RGS22: variants seen among roughly 807,000 people sequenced by gnomAD.
RGS22 encodes regulator of G protein signaling 22.
A neutral mutation model predicts 172.9 loss-of-function variants in RGS22; 148 were observed. That is an observed-to-expected ratio of 0.86 (90% CI 0.75 to 0.98). The LOEUF (loss-of-function observed/expected upper bound fraction) is 0.98. Ranked by LOEUF, RGS22 falls within the 50% of genes least tolerant of loss-of-function variation. The probability of loss-of-function intolerance (pLI) is 0.00; values close to 1 mark genes in which losing one functional copy is unlikely to be tolerated. For missense variants in RGS22, 1,347 were observed against 1,440.8 expected, an observed-to-expected ratio of 0.93 and a Z score of 1.05; for synonymous variants, 458 against 480.2, an observed-to-expected ratio of 0.95 and a Z score of 0.60.
intron 6 of RGS22, among the ~76,000 whole-genome samples, chr8:100,070,879 A>G (rs191536680): frequency 7.8e-4 from 117 of 149,832 alleles, no homozygotes; most frequent in African/African-American, 2.4e-3. Flanking sequence ...TACCAAAAAA[A>G]AAAGAGAGCA....
At position 100,080,115 on chromosome 8, in the gene RGS22, A is replaced by G; in HGVS notation, c.339+19T>C. The G allele has an allele frequency of 6.6e-7, 1 of 1,521,796 alleles. No individual in the cohort carries two copies. The allele number at this position is 1,521,796 out of a possible 1,614,324, so 94.3% of individuals were successfully genotyped here. On this transcript the variant is annotated intron_variant, in intron 4 of 27. Coordinates refer to ENST00000360863, the MANE Select transcript of RGS22 (RefSeq NM_015668.5). ...AATGCTTTATCTATCTAACAAGATA[A>G]AACAGTATACTTTCTTACCATAATA...
chr8:100,096,268 T>C (rs923107877), intron 2 of RGS22, among the ~76,000 whole-genome samples: 1 of 152,270 alleles, frequency 6.6e-6, no homozygotes, highest in Non-Finnish European at 1.5e-5. Flanking sequence ...AAACTGGTGA[T>C]GGTTAATGGT....
rs1288308855 is a variant in RGS22 at position 100,065,934 on chromosome 8, T to C, written c.724+233A>G. Among the ~76,000 whole-genome samples the C allele has an allele frequency of 2.0e-5, 3 of 152,130 alleles. No homozygotes were observed. In the East Asian group the frequency reaches 5.8e-4, roughly 29 times the overall value. ...TGAGAAAAGGCAAGGCTCCCAGAAG[T>C]GGAAAAACTCATCAAACATCACACA... is the stretch of plus-strand genomic sequence containing the variant. On this transcript the variant is annotated intron_variant, in intron 7 of 27. Transcript: ENST00000360863.
chr8:100,013,318 AGAGGGTAAAGT>A (rs1377371659), intron 14 of RGS22, among the ~76,000 whole-genome samples: 4 of 152,116 alleles, frequency 2.6e-5, no homozygotes, highest in Non-Finnish European at 5.9e-5. Context: ...AGAACAGAGA[AGAGGGTAAAGT>A]AGGAAAGAAG....
intron 14 of RGS22, among the ~76,000 whole-genome samples, chr8:100,014,844 T>G (rs1460846704): frequency 6.6e-6 from 1 of 152,208 alleles, no homozygotes; most frequent in Non-Finnish European, 1.5e-5. Flanking sequence ...CCCCTTTCAC[T>G]GAGCTTCTAT....
intron 14 of RGS22, among the ~76,000 whole-genome samples, chr8:100,030,832 A>C (rs1364275276): frequency 6.6e-6 from 1 of 152,200 alleles, no homozygotes; most frequent in Non-Finnish European, 1.5e-5. Flanking sequence ...GGAATATGAC[A>C]CAAAAAGCAA....
chr8:100,092,486 A>C (rs116198447), intron 3 of RGS22, among the ~76,000 whole-genome samples: 148 of 152,300 alleles, frequency 9.7e-4, no homozygotes, highest in African/African-American at 3.5e-3. Flanking sequence ...GAATGGATTA[A>C]TGTTGTTATC....
chr8:100,074,934 A>AT lies in RGS22; in HGVS notation c.340-2705dup, dbSNP rs927022949. ...AGGCACCCACCACCACGCCCGGCTA[A>AT]TTTTTTTTTGTATTTTTGGTAGAGA... On this transcript the variant is annotated intron_variant, in intron 4 of 27. Transcript: ENST00000360863. 8.0e-5 allele frequency among the ~76,000 whole-genome samples: 12 copies of AT among 150,706 alleles called. No homozygotes were observed. In the South Asian group the frequency reaches 2.3e-3, roughly 29 times the overall value.
At chr8:100,041,489 CA>C (rs34208055) in intron 12 of RGS22, among the ~76,000 whole-genome samples, 82 of 142,324 alleles carry the variant, frequency 5.8e-4, no homozygotes, top group Non-Finnish European at 6.6e-4. Flanking sequence ...GACTCTATCT[CA>C]AAAAAAAAAA....
intron 18 of RGS22, among the ~76,000 whole-genome samples, chr8:100,000,443 T>C (rs1814919599): frequency 6.6e-6 from 1 of 152,110 alleles, no homozygotes; most frequent in Non-Finnish European, 1.5e-5. Flanking sequence ...GCTGCACAAC[T>C]GAAATCTGGA....
intron 23 of RGS22, among the ~76,000 whole-genome samples, chr8:99,973,459 A>G (rs1476468420): frequency 6.6e-6 from 1 of 152,206 alleles, no homozygotes; most frequent in African/African-American, 2.4e-5. Flanking sequence ...ATGGGAGTTG[A>G]ACAATGAGAA....
At chr8:100,029,636 G>A (rs1341401427) in intron 14 of RGS22, among the ~76,000 whole-genome samples, 2 of 145,630 alleles carry the variant, frequency 1.4e-5, no homozygotes, top group African/African-American at 5.1e-5. Flanking sequence ...TGGGGAGGCA[G>A]AGATTGCAGT....
At chr8:99,993,730 A>G (rs773071925) in intron 20 of RGS22, among the ~76,000 whole-genome samples, 2 of 152,218 alleles carry the variant, frequency 1.3e-5, no homozygotes, top group Non-Finnish European at 2.9e-5. Context: ...ATTCCAATCA[A>G]TAGAAAAAGA....
chr8:100,105,250 T>C, intron 2 of RGS22, 124 bp downstream of exon 2: 1 of 755,914 alleles, frequency 1.3e-6, no homozygotes. Context: ...GTTATTACAA[T>C]TGTTACTAAA....
intron 9 of RGS22, among the ~76,000 whole-genome samples, chr8:100,053,683 T>C (rs1821943796): frequency 6.6e-6 from 1 of 152,168 alleles, no homozygotes; most frequent in African/African-American, 2.4e-5. Flanking sequence ...TCACCCAGGC[T>C]GGAATGCAGT....
At chr8:100,032,022 A>G (rs970713131) in intron 14 of RGS22, among the ~76,000 whole-genome samples, 13 of 152,206 alleles carry the variant, frequency 8.5e-5, no homozygotes, top group Admixed American at 3.9e-4. Flanking sequence ...AGGAAGCACT[A>G]AACATGGAAA....
intron 20 of RGS22, among the ~76,000 whole-genome samples, chr8:99,990,317 G>A (rs112944447): frequency 1.3e-5 from 2 of 152,128 alleles, no homozygotes; most frequent in African/African-American, 4.8e-5. Flanking sequence ...AATTCCAAGG[G>A]CCGATGGGAA....
rs80355820 is a variant in RGS22 at position 99,983,013 on chromosome 8, T to C, written c.3181-897A>G. 2.8e-3 allele frequency among the ~76,000 whole-genome samples: 427 copies of C among 152,326 alleles called. 5 individuals carry two copies. The highest frequency in any genetic ancestry group is 0.014 in the South Asian group (70 of 4,828). On this transcript the variant is annotated intron_variant, in intron 21 of 27. Transcript: ENST00000360863. ...TATTATTCCCATATTTATGTCCATG[T>C]GTGCCCAATGTTGAGCTCCCACTTA...
At chr8:99,961,272 C>CA (rs1398400682) in intron 27 of RGS22, 76 bp from the exon 28 acceptor site, 1 of 425,058 alleles carries the variant, frequency 2.4e-6, no homozygotes, top group Non-Finnish European at 4.6e-6. Flanking sequence ...TGCAAAACAA[C>CA]AAAAAACTTA....
Sources: allele counts gnomAD v4.1 joint callset (sites outside exome capture counted in the v4.1 genomes callset), GRCh38; gene constraint gnomAD v4.1.1; transcripts MANE v1.5; gene names NCBI Gene and HGNC (gene_info 2026-07-23, HGNC 2026-07-21).